TAF4: variants seen among roughly 807,000 people sequenced by gnomAD.
TAF4 encodes the protein TATA-box binding protein associated factor 4.
In TAF4, 9 loss-of-function variants were observed where a neutral mutation model predicts 90.3. That is an observed-to-expected ratio of 0.10 (90% CI 0.06 to 0.17). The LOEUF is 0.17. TAF4 is among the 10% of genes least tolerant of loss of function. The probability of loss-of-function intolerance (pLI) is 1.00; values close to 1 mark genes in which losing one functional copy is unlikely to be tolerated. For synonymous variants in TAF4, 818 were observed against 638.9 expected, an observed-to-expected ratio of 1.28 and a Z score of -4.23; for missense variants, 1,351 against 1,370.7, an observed-to-expected ratio of 0.99 and a Z score of 0.23.
At position 62,050,758 on chromosome 20, in the gene TAF4, G is replaced by A. The variant is rs565603214; in HGVS notation, c.1360+13693C>T. Among the ~76,000 whole-genome samples, 10 of 152,264 alleles carry A rather than the reference G, an allele frequency of 6.6e-5. No homozygotes were observed. The East Asian group carries it at 1.9e-3, about 30-fold the overall frequency. ...CCACCTGCCAGGCTCCAGGCAGAAG[G>A]AAGAAGTCACGGCAGAAAGGACCTC... On this transcript the variant is annotated intron_variant, in intron 1 of 14. Transcript: ENST00000252996.
At chr20:62,042,687 C>G (rs866376144) in intron 1 of TAF4, among the ~76,000 whole-genome samples, 3 of 152,252 alleles carry the variant, frequency 2.0e-5, no homozygotes. Context: ...GGGAACTCTC[C>G]TGTTTCAATG....
Position 61,976,431 on chromosome 20 carries a change from G to A in TAF4, c.3091-96C>T. Reference sequence around the variant, plus strand: ...CTGAGCCAAGTACCCCGATTCCAGAGGAGGCCAGGCCTGGCACGGGCTCCT... The same window carrying A: ...CTGAGCCAAGTACCCCGATTCCAGAAGAGGCCAGGCCTGGCACGGGCTCCT... On this transcript the variant is annotated intron_variant, in intron 14 of 14. Transcript: ENST00000252996. 3.4e-6 allele frequency: 5 copies of A among 1,456,820 alleles called. 1 individual carries two copies. The Middle Eastern group carries it at 9.8e-4, about 286-fold the overall frequency. 90.2% of individuals were successfully genotyped at this position (1,456,820 alleles called of 1,614,324 possible). A position where few individuals can be genotyped will look rare whatever the true frequency, so the allele number is the denominator to read the frequency against.
rs2056054112 is a variant in TAF4 at position 62,055,207 on chromosome 20, C to CGATCGAT, written c.1360+9243_1360+9244insATCGATC. Among the ~76,000 whole-genome samples the CGATCGAT allele has an allele frequency of 5.0e-5, 4 of 80,092 alleles. No individual in the cohort carries two copies. In the East Asian group the frequency reaches 9.6e-4, roughly 19 times the overall value. The allele number at this position is 80,092 out of a possible 152,430, so 52.5% of individuals were successfully genotyped here. Reference sequence around the variant, plus strand: ...GCGGGCAGTCCTGCAAGACAATAGACTCACGCTGCCTGCGGGCAGTCCTGC... The same window carrying CGATCGAT: ...GCGGGCAGTCCTGCAAGACAATAGACGATCGATTCACGCTGCCTGCGGGCAGTCCTGC... On this transcript the variant is annotated intron_variant, in intron 1 of 14. Coordinates refer to ENST00000252996, the MANE Select transcript of TAF4 (RefSeq NM_003185.4).
chr20:62,015,999 A>G (rs990606005), intron 1 of TAF4, among the ~76,000 whole-genome samples: 2 of 152,366 alleles, frequency 1.3e-5, no homozygotes, highest in East Asian at 1.9e-4. Context: ...ACCCAGCTGC[A>G]GCAAATAACC....
chr20:62,006,886 C>T lies in TAF4; in HGVS notation c.1975-128G>A, dbSNP rs1600840206. On this transcript the variant is annotated intron_variant, in intron 6 of 14. Coordinates refer to ENST00000252996, the MANE Select transcript of TAF4 (RefSeq NM_003185.4). The surrounding 1 kb of genome is among the most constrained non-coding windows in gnomAD (Gnocchi z 7.0). The stretch of plus-strand genomic sequence containing the variant: ...TAAGTAAGATGGATCTTGGCCCTCA[C>T]GGCAGCATGTCTGGATGTCAAGGGC... The T allele has an allele frequency of 1.0e-5, 13 of 1,268,078 alleles. No individual in the cohort carries two copies. In the East Asian group the frequency reaches 2.1e-4, roughly 20 times the overall value. The allele number at this position is 1,268,078 out of a possible 1,614,324, so 78.6% of individuals were successfully genotyped here.
rs1189063481 is a variant in TAF4, at chr20:61,975,260, G to A, written c.*908C>T. 1.3e-5 allele frequency: 2 copies of A among 152,042 alleles called. No homozygotes were observed. The highest frequency in any genetic ancestry group is 2.9e-5 in the Non-Finnish European group (2 of 67,972). 9.4% of individuals were successfully genotyped at this position (152,042 alleles called of 1,614,324 possible). A position where few individuals can be genotyped will look rare whatever the true frequency, so the allele number is the denominator to read the frequency against. On this transcript the variant is annotated 3_prime_UTR_variant, in exon 15 of 15. Transcript: ENST00000252996. ...TAGCAAAATAATTATAGTTTACATA[G>A]CCATTTCTATGTCATGTGCCAAAAG...
At chr20:62,036,317 G>C (rs144833072) in intron 1 of TAF4, among the ~76,000 whole-genome samples, 1 of 152,210 alleles carries the variant, frequency 6.6e-6, no homozygotes, top group Admixed American at 6.5e-5. Context: ...GAGCCACCGC[G>C]CCTGGCTCAT....
intron 1 of TAF4, among the ~76,000 whole-genome samples, chr20:62,023,950 C>A (rs907462115): frequency 2.6e-5 from 4 of 151,698 alleles, no homozygotes; most frequent in Non-Finnish European, 4.4e-5. Context: ...GGTGTGGGCA[C>A]GCCTGTGGTC....
intron 1 of TAF4, among the ~76,000 whole-genome samples, chr20:62,053,835 G>A (rs2056045219): frequency 6.6e-6 from 1 of 152,252 alleles, no homozygotes; most frequent in Non-Finnish European, 1.5e-5. Flanking sequence ...CTGAAACTAG[G>A]GAGAGGCCTG....
intron 1 of TAF4, among the ~76,000 whole-genome samples, chr20:62,014,956 T>A (rs979506960): frequency 2.0e-5 from 3 of 152,212 alleles, no homozygotes; most frequent in Non-Finnish European, 4.4e-5. Context: ...ATGAATGAGC[T>A]GGACAGCAAG....
At chr20:61,999,352 T>C (rs1389680540) in intron 11 of TAF4, among the ~76,000 whole-genome samples, 3 of 152,252 alleles carry the variant, frequency 2.0e-5, no homozygotes, top group African/African-American at 4.8e-5. Context: ...GTGTCCCTTT[T>C]ATACACTTTG....
At chr20:62,041,697 G>A (rs1364054218) in intron 1 of TAF4, among the ~76,000 whole-genome samples, 1 of 151,852 alleles carries the variant, frequency 6.6e-6, no homozygotes, top group African/African-American at 2.4e-5. Flanking sequence ...TTGAGCGGGT[G>A]AGATGGGAAG....
chr20:62,045,746 T>C (rs1452147924), intron 1 of TAF4, among the ~76,000 whole-genome samples: 3 of 152,144 alleles, frequency 2.0e-5, no homozygotes, highest in Non-Finnish European at 2.9e-5. Flanking sequence ...AACAGATCTG[T>C]GGCGAAAGAG....
chr20:62,059,080 C>A (rs1240201950), intron 1 of TAF4, among the ~76,000 whole-genome samples: 2 of 152,252 alleles, frequency 1.3e-5, no homozygotes, highest in African/African-American at 4.8e-5. Context: ...TTTCTCCTGC[C>A]CTCACACGCG....
chr20:62,065,054 CGGGCGCGGG>C lies in TAF4; in HGVS notation c.748_756del (p.Pro250_Pro252del), dbSNP rs1236223702. 918 of 703,208 alleles carry C rather than the reference CGGGCGCGGG, an allele frequency of 1.3e-3. 12 individuals carry two copies. The East Asian group carries it at 0.036, about 27-fold the overall frequency. 43.6% of individuals were successfully genotyped at this position (703,208 alleles called of 1,614,324 possible). On this transcript the variant is annotated inframe_deletion, in exon 1 of 15. Coordinates refer to ENST00000252996, the MANE Select transcript of TAF4 (RefSeq NM_003185.4). ...GGGGCGGCGGGGGGCGAGGGCGCGG[CGGGCGCGGG>C]GGGCGCGGCGGCGCCCACGAAGGGG...
intron 1 of TAF4, among the ~76,000 whole-genome samples, chr20:62,018,223 C>T (rs1054541356): frequency 6.6e-6 from 1 of 152,180 alleles, no homozygotes; most frequent in Admixed American, 6.5e-5. Flanking sequence ...CTTTCTTGTC[C>T]GCCTCCCTGG....
At chr20:61,991,375 GAT>G (rs2055630289) in intron 14 of TAF4, among the ~76,000 whole-genome samples, 1 of 152,000 alleles carries the variant, frequency 6.6e-6, no homozygotes, top group Non-Finnish European at 1.5e-5. Context: ...ATCACACCGA[GAT>G]AGAGCCACTG....
intron 1 of TAF4, among the ~76,000 whole-genome samples, chr20:62,063,195 C>T (rs2145527309): frequency 6.6e-6 from 1 of 152,304 alleles, no homozygotes; most frequent in East Asian, 1.9e-4. Context: ...CAGGCTTTCC[C>T]CACCCCTGCC....
chr20:62,055,417 A>C (rs1320385838), intron 1 of TAF4, among the ~76,000 whole-genome samples: 1 of 152,198 alleles, frequency 6.6e-6, no homozygotes, highest in East Asian at 1.9e-4. Context: ...CCTGTGATAT[A>C]ATCAATTCAC....
Sources: allele counts gnomAD v4.1 joint callset (sites outside exome capture counted in the v4.1 genomes callset), GRCh38; gene constraint gnomAD v4.1.1; non-coding constraint Gnocchi (gnomAD v3.1); transcripts MANE v1.5; gene names NCBI Gene and HGNC (gene_info 2026-07-23, HGNC 2026-07-21).